Variants in TBC1D5 observed in about 807,000 individuals in gnomAD.
TBC1D5 encodes TBC1 domain family member 5.
A neutral mutation model predicts 100.3 loss-of-function variants in TBC1D5; 75 were observed. That is an observed-to-expected ratio of 0.75 (90% CI 0.62 to 0.91). The LOEUF (loss-of-function observed/expected upper bound fraction) is 0.91. Ranked by LOEUF, TBC1D5 falls within the 40% of genes least tolerant of loss-of-function variation. The probability of loss-of-function intolerance (pLI) is 0.00; values close to 1 mark genes in which losing one functional copy is unlikely to be tolerated. For missense variants in TBC1D5, 910 were observed against 942.4 expected (o/e 0.97, Z 0.45); for synonymous variants, 323 against 325.6 (o/e 0.99, Z 0.09).
chr3:17,343,948 T>G (rs1224618242), intron 13 of TBC1D5, among the ~76,000 whole-genome samples: 1 of 151,550 alleles, frequency 6.6e-6, no homozygotes, highest in African/African-American at 2.4e-5. Flanking sequence ...TTTGAAGGGT[T>G]TTTTTTGTCT....
intron 2 of TBC1D5, among the ~76,000 whole-genome samples, chr3:17,515,136 A>G (rs1233871505): frequency 2.0e-5 from 3 of 152,118 alleles, no homozygotes; most frequent in Admixed American, 6.5e-5. Context: ...AAAATAAGAA[A>G]AAGGAACAAA....
intron 13 of TBC1D5, among the ~76,000 whole-genome samples, chr3:17,351,546 A>G (rs1253776487): frequency 6.6e-6 from 1 of 152,104 alleles, no homozygotes; most frequent in Non-Finnish European, 1.5e-5. Context: ...ATATGGGCAC[A>G]GGGAGGGGAA....
At position 17,404,970 on chromosome 3, in the gene TBC1D5, A is replaced by G. The variant is rs972330651; in HGVS notation, c.277-9T>C. ...AGAACACAAAGAAATAGCTGTCAAG[A>G]AAAACAGAAGAAACTTTTGTAAAAA... is the stretch of plus-strand genomic sequence containing the variant. On this transcript the variant is annotated splice_polypyrimidine_tract_variant and intron_variant, in intron 5 of 21. Transcript: ENST00000253692. 1.3e-6 allele frequency: 2 copies of G among 1,547,268 alleles called. No individual in the cohort carries two copies. Among genetic ancestry groups the G allele is most frequent in the Non-Finnish European group, 1.7e-6 (2 of 1,143,402 alleles).
intron 3 of TBC1D5, among the ~76,000 whole-genome samples, chr3:17,443,368 ACC>A (rs2094710069): frequency 6.6e-6 from 1 of 152,212 alleles, no homozygotes; most frequent in Non-Finnish European, 1.5e-5. Flanking sequence ...ACCGAACAAT[ACC>A]ACGTGCTGGA....
Position 17,235,905 on chromosome 3 carries a change from G to GTT in TBC1D5, c.1588+2256_1588+2257dup, listed in dbSNP as rs761038367. On this transcript the variant is annotated intron_variant, in intron 17 of 21. Coordinates refer to ENST00000253692, the Ensembl canonical transcript of TBC1D5. The stretch of plus-strand genomic sequence containing the variant: ...TTAATCTGAAGGTAAACAAATTTTT[G>GTT]TTTTTTTTTTTTGGTAGATTGACAT... Among the ~76,000 whole-genome samples the GTT allele has an allele frequency of 2.6e-4, 37 of 142,502 alleles. No individual in the cohort carries two copies. In the East Asian group the frequency reaches 7.1e-3, roughly 27 times the overall value. 93.5% of individuals were successfully genotyped at this position (142,502 alleles called of 152,430 possible).
At chr3:17,430,745 G>A (rs544274908) in intron 3 of TBC1D5, among the ~76,000 whole-genome samples, 1 of 151,900 alleles carries the variant, frequency 6.6e-6, no homozygotes, top group Admixed American at 6.6e-5. Context: ...ATTTTAGTAT[G>A]GACGATCCCA....
chr3:17,587,539 G>C (rs924512483), intron 2 of TBC1D5, among the ~76,000 whole-genome samples: 1 of 151,832 alleles, frequency 6.6e-6, no homozygotes, highest in South Asian at 2.1e-4. Context: ...CACTCTTCTG[G>C]AAACAGGATT....
intron 3 of TBC1D5, among the ~76,000 whole-genome samples, chr3:17,437,182 C>T (rs935103663): frequency 6.6e-6 from 1 of 152,266 alleles, no homozygotes; most frequent in South Asian, 2.1e-4. Context: ...CAAGAAGGCC[C>T]TCACCAGATG....
intron 3 of TBC1D5, among the ~76,000 whole-genome samples, chr3:17,472,468 C>T (rs563578227): frequency 6.6e-6 from 1 of 152,036 alleles, no homozygotes; most frequent in Non-Finnish European, 1.5e-5. Flanking sequence ...TTTTCTACTT[C>T]ATATCTTCTC....
intron 1 of TBC1D5, among the ~76,000 whole-genome samples, chr3:17,734,397 G>A (rs1177731381): frequency 1.3e-5 from 2 of 152,194 alleles, no homozygotes; most frequent in East Asian, 1.9e-4. Context: ...AAACAGTATT[G>A]AGGAAATTGG....
intron 13 of TBC1D5, among the ~76,000 whole-genome samples, chr3:17,339,674 A>C (rs946648373): frequency 1.9e-4 from 29 of 152,252 alleles, no homozygotes; most frequent in African/African-American, 6.5e-4. Flanking sequence ...ATATGTGTAC[A>C]TATGTACACA....
At chr3:17,618,284 G>A (rs957278128) in intron 2 of TBC1D5, among the ~76,000 whole-genome samples, 4 of 152,312 alleles carry the variant, frequency 2.6e-5, no homozygotes, top group Admixed American at 2.0e-4. Context: ...TCATCCCAGA[G>A]GGGCACCCGC....
At chr3:17,357,215 G>A (rs114405214) in intron 13 of TBC1D5, among the ~76,000 whole-genome samples, 281 of 152,264 alleles carry the variant, frequency 1.8e-3, no homozygotes, top group African/African-American at 6.6e-3. Flanking sequence ...GACTGCACAG[G>A]CAGAAAGCCA....
intron 2 of TBC1D5, among the ~76,000 whole-genome samples, chr3:17,568,306 C>A (rs1014555036): frequency 1.3e-5 from 2 of 151,196 alleles, no homozygotes; most frequent in Admixed American, 1.3e-4. Flanking sequence ...TATTCTAATT[C>A]TTTATAACCA....
chr3:17,513,115 C>T (rs1033736782), intron 2 of TBC1D5, among the ~76,000 whole-genome samples: 1 of 151,934 alleles, frequency 6.6e-6, no homozygotes, highest in African/African-American at 2.4e-5. Context: ...GGGCAGATCA[C>T]GAGGTCAGGA....
At chr3:17,702,090 C>T (rs1470823105) in intron 1 of TBC1D5, 1 of 152,056 alleles carries the variant, frequency 6.6e-6, no homozygotes, top group African/African-American at 2.4e-5. Context: ...TTAGCTAAGG[C>T]TGAATATATT....
chr3:17,436,527 A>G (rs1004076841), intron 3 of TBC1D5, among the ~76,000 whole-genome samples: 1 of 152,140 alleles, frequency 6.6e-6, no homozygotes, highest in African/African-American at 2.4e-5. Flanking sequence ...TTTCTGAAAA[A>G]CTTTATCAAA....
chr3:17,317,117 G>A (rs1369691883), intron 13 of TBC1D5, among the ~76,000 whole-genome samples: 1 of 152,060 alleles, frequency 6.6e-6, no homozygotes, highest in Admixed American at 6.6e-5. Flanking sequence ...ATGTACTCAG[G>A]GGATGCAAAC....
At chr3:17,615,821 T>C (rs1380214995) in intron 2 of TBC1D5, among the ~76,000 whole-genome samples, 2 of 152,198 alleles carry the variant, frequency 1.3e-5, no homozygotes, top group Non-Finnish European at 2.9e-5. Context: ...ATTTTGTTGA[T>C]CCTTTCAAAA....
Sources: gnomAD v4.1 joint callset for allele counts (sites outside exome capture counted in the v4.1 genomes callset) on GRCh38, gnomAD v4.1.1 for gene constraint, MANE v1.5 for transcripts, NCBI Gene and HGNC (gene_info 2026-07-23, HGNC 2026-07-21) for gene names.